The following SPIDR variants were observed in gnomAD, a reference collection of about 807,000 sequenced individuals.
SPIDR encodes the protein scaffold protein involved in DNA repair.
In SPIDR, 93 loss-of-function variants were observed where a neutral mutation model predicts 104.6. The observed-to-expected ratio is 0.89, with a 90% CI of 0.75 to 1.06. The LOEUF (loss-of-function observed/expected upper bound fraction) is 1.06, where lower values mean the gene tolerates loss of function less well. Among genes scored for constraint, SPIDR ranks in the 50% least tolerant of loss-of-function variants. The pLI is 0.00. For missense variants in SPIDR, 1,154 were observed against 1,111.2 expected (o/e 1.04, Z -0.55); for synonymous variants, 431 against 416.9 (o/e 1.03, Z -0.41).
intron 10 of SPIDR, among the ~76,000 whole-genome samples, chr8:47,626,078 A>G (rs1053754633): frequency 3.9e-5 from 6 of 152,164 alleles, no homozygotes; most frequent in African/African-American, 9.7e-5. Context: ...CTCAGAAATA[A>G]TGCCGCATAT....
intron 10 of SPIDR, among the ~76,000 whole-genome samples, chr8:47,608,485 G>T (rs1226837277): frequency 6.6e-6 from 1 of 152,096 alleles, no homozygotes; most frequent in Non-Finnish European, 1.5e-5. Flanking sequence ...GAGTCATAAG[G>T]TAACTCTATG....
intron 8 of SPIDR, among the ~76,000 whole-genome samples, chr8:47,487,057 A>T (rs2077756407): frequency 6.6e-6 from 1 of 152,252 alleles, no homozygotes; most frequent in South Asian, 2.1e-4. Context: ...CAGACTGGCA[A>T]ATTGGATAAA....
chr8:47,400,845 A>G (rs1554662136), intron 6 of SPIDR, among the ~76,000 whole-genome samples: 1 of 151,962 alleles, frequency 6.6e-6, no homozygotes, highest in Admixed American at 6.6e-5. Flanking sequence ...TTGAAAAGAC[A>G]AAATCTACGT....
intron 8 of SPIDR, among the ~76,000 whole-genome samples, chr8:47,557,121 A>G (rs2091418399): frequency 6.6e-6 from 1 of 152,106 alleles, no homozygotes; most frequent in Non-Finnish European, 1.5e-5. Flanking sequence ...GCATTATAAC[A>G]TTTTACTGAT....
chr8:47,715,778 T>A (rs1339164770), intron 16 of SPIDR, among the ~76,000 whole-genome samples: 1 of 152,204 alleles, frequency 6.6e-6, no homozygotes, highest in Non-Finnish European at 1.5e-5. Context: ...TTTTGGCTAC[T>A]ACGAATAAAG....
chr8:47,552,976 A>G (rs867149691), intron 8 of SPIDR, among the ~76,000 whole-genome samples: 28 of 152,164 alleles, frequency 1.8e-4, no homozygotes, highest in Admixed American at 1.3e-4. Flanking sequence ...AAATCTCTCA[A>G]CATTTGTTTG....
At position 47,291,022 on chromosome 8, in the gene SPIDR, T is replaced by A; in HGVS notation, c.257-11T>A. The A allele has an allele frequency of 6.3e-7, 1 of 1,596,170 alleles. No individual in the cohort carries two copies. On this transcript the variant is annotated splice_polypyrimidine_tract_variant and intron_variant, in intron 3 of 19. Coordinates refer to ENST00000297423, the MANE Select transcript of SPIDR (RefSeq NM_001080394.4). ...GAGATCATATTTATGTGCTTTCTTT[T>A]CCTTCAACAGAAACCACCACATCTA...
chr8:47,660,251 C>T (rs1347126673), intron 10 of SPIDR, among the ~76,000 whole-genome samples: 1 of 152,052 alleles, frequency 6.6e-6, no homozygotes, highest in Non-Finnish European at 1.5e-5. Context: ...CTTTAATTGG[C>T]ATAATGGACA....
intron 10 of SPIDR, among the ~76,000 whole-genome samples, chr8:47,619,421 G>A (rs2064815018): frequency 6.6e-6 from 1 of 152,052 alleles, no homozygotes; most frequent in Admixed American, 6.6e-5. Context: ...CTCCCATGGT[G>A]GCACATTGCT....
intron 10 of SPIDR, among the ~76,000 whole-genome samples, chr8:47,616,318 C>A (rs777103286): frequency 1.3e-5 from 2 of 152,118 alleles, no homozygotes; most frequent in Admixed American, 6.5e-5. Context: ...TGCCCTATGC[C>A]AGGTTGAGGA....
At chr8:47,322,923 C>T (rs1000071990) in intron 5 of SPIDR, among the ~76,000 whole-genome samples, 14 of 151,944 alleles carry the variant, frequency 9.2e-5, no homozygotes, top group Admixed American at 5.9e-4. Context: ...GAACATCATA[C>T]GCCGGGGCCT....
At position 47,294,272 on chromosome 8, in the gene SPIDR, G is replaced by A. The variant is rs2040447388; in HGVS notation, c.525+242G>A. ...TTCCCACCCTCACTGCACACCGAATGTTTTTTATCCTGCTATTCTTCCAGT... is the reference window on the plus strand; with the variant it reads ...TTCCCACCCTCACTGCACACCGAATATTTTTTATCCTGCTATTCTTCCAGT... On this transcript the variant is annotated intron_variant, in intron 5 of 19. Coordinates refer to ENST00000297423, the MANE Select transcript of SPIDR (RefSeq NM_001080394.4). 6.1e-5 allele frequency: 26 copies of A among 426,590 alleles called. No individual in the cohort carries two copies. In the South Asian group the frequency reaches 1.1e-3, roughly 19 times the overall value. The allele number at this position is 426,590 out of a possible 1,614,324, so 26.4% of individuals were successfully genotyped here. A position where few individuals can be genotyped will look rare whatever the true frequency, so the allele number is the denominator to read the frequency against.
At chr8:47,429,423 A>G (rs920856908) in intron 7 of SPIDR, among the ~76,000 whole-genome samples, 1 of 152,150 alleles carries the variant, frequency 6.6e-6, no homozygotes, top group Non-Finnish European at 1.5e-5. Context: ...CTTTCATGGG[A>G]TAAGCTGGGC....
At chr8:47,473,090 C>A (rs1179136050) in intron 8 of SPIDR, among the ~76,000 whole-genome samples, 2 of 152,152 alleles carry the variant, frequency 1.3e-5, no homozygotes, top group Non-Finnish European at 2.9e-5. Context: ...GAAGAACACA[C>A]CACTTAGCAC....
chr8:47,502,630 A>G (rs538519943), intron 8 of SPIDR, among the ~76,000 whole-genome samples: 1 of 151,790 alleles, frequency 6.6e-6, no homozygotes, highest in African/African-American at 2.4e-5. Context: ...TCGTGTCTCT[A>G]TTTCCTTCGG....
At chr8:47,722,776 T>C (rs1462224083) in intron 16 of SPIDR, among the ~76,000 whole-genome samples, 1 of 152,170 alleles carries the variant, frequency 6.6e-6, no homozygotes, top group African/African-American at 2.4e-5. Context: ...TATTGGTTTT[T>C]TCATCCTTTT....
At chr8:47,439,996 T>C (rs1003672700) in intron 7 of SPIDR, among the ~76,000 whole-genome samples, 2 of 152,224 alleles carry the variant, frequency 1.3e-5, no homozygotes, top group Non-Finnish European at 2.9e-5. Context: ...TCAAAGGATT[T>C]CAGACTTGGA....
intron 1 of SPIDR, among the ~76,000 whole-genome samples, chr8:47,270,192 G>T (rs1024487464): frequency 1.3e-5 from 2 of 152,102 alleles, no homozygotes; most frequent in African/African-American, 2.4e-5. Context: ...CTGTATTTTG[G>T]AAGAGTTTGT....
chr8:47,485,014 G>A (rs1273981847), intron 8 of SPIDR, among the ~76,000 whole-genome samples: 1 of 152,210 alleles, frequency 6.6e-6, no homozygotes, highest in Non-Finnish European at 1.5e-5. Context: ...GACAGTGGGT[G>A]CAGCCCACCA....
Sources: gnomAD v4.1 joint callset for allele counts (sites outside exome capture counted in the v4.1 genomes callset) on GRCh38, gnomAD v4.1.1 for gene constraint, MANE v1.5 for transcripts, NCBI Gene and HGNC (gene_info 2026-07-23, HGNC 2026-07-21) for gene names.